Variants in EYS observed in about 807,000 individuals in gnomAD.
The protein encoded by EYS is protein eyes shut homolog.
EYS carries 250 observed loss-of-function variants against 282.1 expected under a neutral mutation model. The observed-to-expected ratio is 0.89, with a 90% CI of 0.80 to 0.98. The LOEUF (loss-of-function observed/expected upper bound fraction) is 0.98, where lower values mean the gene tolerates loss of function less well. Ranked by LOEUF, EYS falls within the 50% of genes least tolerant of loss-of-function variation. The pLI is 0.00. For missense variants in EYS, 4,016 were observed against 3,709.0 expected, an observed-to-expected ratio of 1.08 and a Z score of -2.15; for synonymous variants, 1,355 against 1,282.9, an observed-to-expected ratio of 1.06 and a Z score of -1.20.
intron 1 of EYS, among the ~76,000 whole-genome samples, chr6:65,664,809 A>G (rs1486163171): frequency 6.6e-6 from 1 of 152,216 alleles, no homozygotes; most frequent in East Asian, 1.9e-4. Flanking sequence ...TGCAAAACTT[A>G]GACAAACTAA....
At chr6:64,060,343 T>C (rs188268148) in intron 33 of EYS, among the ~76,000 whole-genome samples, 82 of 152,248 alleles carry the variant, frequency 5.4e-4, no homozygotes, top group African/African-American at 2.0e-3. Flanking sequence ...TATTGAGTTA[T>C]AGGTCAATAC....
At chr6:64,364,683 A>G (rs919173057) in intron 29 of EYS, among the ~76,000 whole-genome samples, 1 of 151,526 alleles carries the variant, frequency 6.6e-6, no homozygotes, top group African/African-American at 2.4e-5. Flanking sequence ...AAGAATGTTT[A>G]CCCACTTTTA....
intron 12 of EYS, among the ~76,000 whole-genome samples, chr6:65,138,510 A>G (rs1489373680): frequency 6.6e-6 from 1 of 152,130 alleles, no homozygotes; most frequent in Non-Finnish European, 1.5e-5. Flanking sequence ...AATAATGGCT[A>G]ACAATCCTGG....
chr6:64,240,176 G>T (rs573419214), intron 30 of EYS, among the ~76,000 whole-genome samples: 1 of 152,314 alleles, frequency 6.6e-6, no homozygotes, highest in East Asian at 1.9e-4. Flanking sequence ...ATAGTTTGAA[G>T]TCAGGTAGTG....
At chr6:65,192,879 A>C (rs186922391) in intron 12 of EYS, among the ~76,000 whole-genome samples, 2 of 151,938 alleles carry the variant, frequency 1.3e-5, no homozygotes, top group African/African-American at 4.8e-5. Flanking sequence ...GGTACTTAGG[A>C]TGTCCATCAC....
chr6:63,823,983 A>G (rs1264343436), intron 36 of EYS, among the ~76,000 whole-genome samples: 1 of 152,128 alleles, frequency 6.6e-6, no homozygotes, highest in African/African-American at 2.4e-5. Flanking sequence ...CAGAATAGAT[A>G]CTCCAATTTC....
chr6:65,674,667 A>G (rs1054146675), intron 1 of EYS, among the ~76,000 whole-genome samples: 1 of 152,000 alleles, frequency 6.6e-6, no homozygotes, highest in Non-Finnish European at 1.5e-5. Flanking sequence ...AGAAATAAAG[A>G]CATTTCCAGA....
chr6:64,559,922 C>T (rs897732984), intron 26 of EYS, among the ~76,000 whole-genome samples: 2 of 152,060 alleles, frequency 1.3e-5, no homozygotes, highest in Non-Finnish European at 2.9e-5. Context: ...ACCCTCTACC[C>T]TCAGGTGGGA....
chr6:64,169,275 G>A (rs899635544), intron 31 of EYS, among the ~76,000 whole-genome samples: 2 of 151,942 alleles, frequency 1.3e-5, no homozygotes, highest in South Asian at 2.1e-4. Context: ...GTTTAGAATC[G>A]GGCATGCAGA....
intron 32 of EYS, among the ~76,000 whole-genome samples, chr6:64,073,411 C>G (rs1038789896): frequency 1.3e-5 from 2 of 151,684 alleles, no homozygotes; most frequent in African/African-American, 4.8e-5. Flanking sequence ...AATCAATTGA[C>G]TTTGTATCAT....
intron 35 of EYS, among the ~76,000 whole-genome samples, chr6:63,926,058 A>C (rs1764708588): frequency 6.6e-6 from 1 of 151,808 alleles, no homozygotes; most frequent in African/African-American, 2.4e-5. Context: ...TCGTCGTTCA[A>C]CTCCCACTTA....
chr6:63,741,826 A>C lies in EYS; in HGVS notation c.8072-15146T>G, dbSNP rs1769082462. 3.3e-5 allele frequency: 22 copies of C among 660,114 alleles called. No individual in the cohort carries two copies. In the South Asian group the frequency reaches 3.3e-4, roughly 10 times the overall value. The allele number at this position is 660,114 out of a possible 1,614,324, so 40.9% of individuals were successfully genotyped here. ...TTCTAAGCTCCAATCCTTTTTCCAC[A>C]GCTCATCTGACTCAAATTTAGAAAG... On this transcript the variant is annotated intron_variant, in intron 41 of 42. Transcript: ENST00000503581.
chr6:63,739,573 A>T (rs1338874812), intron 41 of EYS, among the ~76,000 whole-genome samples: 1 of 152,206 alleles, frequency 6.6e-6, no homozygotes. Context: ...AAGTTGAGGA[A>T]GTGAGTACCT....
In EYS at chr6:64,006,165, T is replaced by C. The variant is rs576430987; in HGVS notation, c.6726-6982A>G. On this transcript the variant is annotated intron_variant, in intron 33 of 42. Transcript: ENST00000503581. ...TTCCTTTCAGCAGTGTTTGTAATTCTCCTTGTAGGGATCTTTTACCTCACT... is the reference window on the plus strand; with the variant it reads ...TTCCTTTCAGCAGTGTTTGTAATTCCCCTTGTAGGGATCTTTTACCTCACT... Among the ~76,000 whole-genome samples the C allele has an allele frequency of 9.1e-4, 138 of 152,282 alleles. 4 individuals carry two copies. In the South Asian group the frequency reaches 0.027, roughly 29 times the overall value.
At chr6:64,346,386 G>A (rs1445147024) in intron 29 of EYS, among the ~76,000 whole-genome samples, 4 of 151,980 alleles carry the variant, frequency 2.6e-5, no homozygotes, top group Non-Finnish European at 5.9e-5. Flanking sequence ...AAAATGATGA[G>A]TTCATGTCCT....
chr6:63,914,111 ACTGT>A (rs1029892570), intron 35 of EYS, among the ~76,000 whole-genome samples: 4 of 152,100 alleles, frequency 2.6e-5, no homozygotes, highest in African/African-American at 4.8e-5. Context: ...TGCTCCACTG[ACTGT>A]CTGCTCCCCA....
intron 41 of EYS, among the ~76,000 whole-genome samples, chr6:63,738,329 A>G (rs1768979464): frequency 6.6e-6 from 1 of 152,114 alleles, no homozygotes; most frequent in Admixed American, 6.5e-5. Context: ...AAAGACTTGG[A>G]ACCAACACAA....
At chr6:63,897,550 C>T (rs1051356251) in intron 35 of EYS, among the ~76,000 whole-genome samples, 4 of 152,096 alleles carry the variant, frequency 2.6e-5, no homozygotes, top group East Asian at 1.9e-4. Context: ...GGATTCTCAC[C>T]GACAGCCTCT....
At chr6:64,799,454 A>G (rs932225185) in intron 22 of EYS, among the ~76,000 whole-genome samples, 2 of 151,786 alleles carry the variant, frequency 1.3e-5, no homozygotes, top group African/African-American at 4.8e-5. Flanking sequence ...TTTGTTTACA[A>G]GTTTCACTAA....
Sources: allele counts gnomAD v4.1 joint callset (sites outside exome capture counted in the v4.1 genomes callset), GRCh38; gene constraint gnomAD v4.1.1; transcripts MANE v1.5; gene names NCBI Gene and HGNC (gene_info 2026-07-23, HGNC 2026-07-21).